POTEC: variants seen among roughly 807,000 people sequenced by gnomAD.
POTEC encodes the protein POTE ankyrin domain family member C, also known as ANKRD26-like family B member 2.
In POTEC, 35 loss-of-function variants were observed where a neutral mutation model predicts 62.0. The ratio of observed to expected loss-of-function variants is 0.56; its 90% confidence interval spans 0.43 to 0.75. The LOEUF is 0.75. Among genes scored for constraint, POTEC ranks in the 30% least tolerant of loss-of-function variants. The pLI is 0.00. For synonymous variants in POTEC, 156 were observed against 221.5 expected, an observed-to-expected ratio of 0.70 and a Z score of 2.62; for missense variants, 472 against 655.9, an observed-to-expected ratio of 0.72 and a Z score of 3.06.
In POTEC at chr18:14,521,608, A is replaced by G. The variant is rs116946441; in HGVS notation, c.1409+646T>C. ...CCTACATATCCTTACTATGTTATATATATGTGTGTGAATATGCTACTAAAT... is the reference window on the plus strand; with the variant it reads ...CCTACATATCCTTACTATGTTATATGTATGTGTGTGAATATGCTACTAAAT... On this transcript the variant is annotated intron_variant, in intron 9 of 10. Coordinates refer to ENST00000358970, the MANE Select transcript of POTEC (RefSeq NM_001137671.2). Among the ~76,000 whole-genome samples, 1,141 of 152,304 alleles carry G rather than the reference A, an allele frequency of 7.5e-3. 6 individuals are homozygous for G. Among genetic ancestry groups the G allele is most frequent in the Admixed American group, 0.013 (197 of 15,292 alleles).
rs762894153 is a variant in POTEC at position 14,513,766 on chromosome 18, G to A, written c.1429C>T (p.Arg477Trp). ...TTCTGTTCTTCAGAAAGTTGTTTCCGGGTATCATTTTGTTCGTCACTAGAA... is the reference window on the plus strand; with the variant it reads ...TTCTGTTCTTCAGAAAGTTGTTTCCAGGTATCATTTTGTTCGTCACTAGAA... ...EYHSDEQNDTRKQLSEEQNTG... is the reference protein window; with the variant it reads ...EYHSDEQNDTWKQLSEEQNTG... The change falls in exon 10 of 11, where the codon CGG becomes TGG. Residue 477 changes from arginine to tryptophan, a missense_variant. Around this residue, in one of 5 missense-constraint regions of POTEC, gnomAD observed 83 missense variants for 254.3 expected, o/e 0.33. Transcript: ENST00000358970. 3.3e-5 allele frequency: 53 copies of A among 1,609,108 alleles called. No homozygotes were observed. Among genetic ancestry groups the A allele is most frequent in the Admixed American group, 1.3e-4 (8 of 59,388 alleles).
chr18:14,536,746 CAAAA>C (rs910549945), intron 3 of POTEC, among the ~76,000 whole-genome samples: 12 of 152,010 alleles, frequency 7.9e-5, no homozygotes, highest in Admixed American at 7.9e-4. Context: ...AGGATCTGGC[CAAAA>C]AGAGGAAAGA....
At chr18:14,537,504 C>T (rs964901175) in intron 3 of POTEC, among the ~76,000 whole-genome samples, 11 of 149,708 alleles carry the variant, frequency 7.3e-5, no homozygotes, top group Non-Finnish European at 1.5e-4. Context: ...ATTTTACATT[C>T]GTTAGGGAAA....
At chr18:14,518,970 G>A (rs1226862601) in intron 9 of POTEC, among the ~76,000 whole-genome samples, 1 of 152,176 alleles carries the variant, frequency 6.6e-6, no homozygotes. Context: ...TACATCCACT[G>A]AGTTAAGAAT....
chr18:14,531,460 C>T (rs1355831372), intron 5 of POTEC, among the ~76,000 whole-genome samples: 3 of 152,236 alleles, frequency 2.0e-5, no homozygotes, highest in Non-Finnish European at 4.4e-5. Flanking sequence ...GAAGAAGCTG[C>T]AAATTGACAT....
Position 14,528,385 on chromosome 18 carries a change from A to C in POTEC, c.1126+2098T>G, listed in dbSNP as rs1247970113. On this transcript the variant is annotated intron_variant, in intron 6 of 10. Transcript: ENST00000358970. ...TCCCCCTCCTCAGCCTCAGAAAGAG[A>C]AATGTTTATTCTAAGTTAATCATGT... Among the ~76,000 whole-genome samples, 5 of 152,104 alleles carry C rather than the reference A, an allele frequency of 3.3e-5. No homozygotes were observed. The East Asian group carries it at 7.7e-4, about 24-fold the overall frequency.
At position 14,522,290 on chromosome 18, in the gene POTEC, T is replaced by C; in HGVS notation, c.1373A>G (p.Gln458Arg). 1 of 1,589,492 alleles carries C rather than the reference T, an allele frequency of 6.3e-7. No individual in the cohort carries two copies. Among genetic ancestry groups the C allele is most frequent in the Non-Finnish European group, 8.5e-7 (1 of 1,173,134 alleles). The change falls in exon 9 of 11, where the codon CAG becomes CGG. Residue 458 changes from glutamine (Q) to arginine (R), a missense_variant. By Grantham distance (43) the Gln-to-Arg change is conservative. Transcript: ENST00000358970. The part of the protein sequence containing the change: ...PQRRSRKPEN[Q>R]QFPDTENEEY... ...TTCATTCTCAGTGTCAGGAAATTGC[T>C]GATTTTCAGGTTTTCTGCTCCTCCT...
chr18:14,516,001 A>G (rs1910140129), intron 9 of POTEC, among the ~76,000 whole-genome samples: 1 of 151,646 alleles, frequency 6.6e-6, no homozygotes, highest in South Asian at 2.1e-4. Context: ...AATGGTCACT[A>G]CTAAAATAAA....
At chr18:14,516,665 G>GGT (rs1189392252) in intron 9 of POTEC, among the ~76,000 whole-genome samples, 3 of 22,566 alleles carry the variant, frequency 1.3e-4, no homozygotes, top group African/African-American at 2.1e-4. Context: ...CAAACTACTG[G>GGT]GGGGGGGTGT....
intron 5 of POTEC, among the ~76,000 whole-genome samples, chr18:14,531,211 T>TC: frequency 6.6e-6 from 1 of 151,898 alleles, no homozygotes; most frequent in East Asian, 2.0e-4. Context: ...CTAAATTTTT[T>TC]CATAAATCTC....
At chr18:14,518,400 T>G (rs939229805) in intron 9 of POTEC, among the ~76,000 whole-genome samples, 4 of 149,412 alleles carry the variant, frequency 2.7e-5, no homozygotes, top group African/African-American at 9.8e-5. Context: ...AGAAAGGGGA[T>G]TTTTTTTTTC....
chr18:14,532,703 C>T (rs1372211650), intron 5 of POTEC, among the ~76,000 whole-genome samples: 1 of 152,072 alleles, frequency 6.6e-6, no homozygotes, highest in African/African-American at 2.4e-5. Flanking sequence ...GAAGACAGTA[C>T]AAGACTTTCT....
chr18:14,542,901 A>T lies in POTEC; in HGVS notation c.246T>A (p.Thr82=). 7.9e-7 allele frequency: 1 copy of T among 1,268,432 alleles called. No individual in the cohort carries two copies. Among genetic ancestry groups the T allele is most frequent in the Non-Finnish European group, 1.1e-6 (1 of 919,362 alleles). The allele number at this position is 1,268,432 out of a possible 1,614,324, so 78.6% of individuals were successfully genotyped here. ...CRGSGTSNVG[T]SGDHDNSFMK... The stretch of plus-strand genomic sequence containing the variant: ...TAAAGGAGTTGTCATGGTCTCCAGA[A>T]GTGCCCACGTTGCTCGTGCCGCTCC... The change falls in exon 1 of 11, where the codon ACT becomes ACA. Residue 82 remains threonine, a synonymous_variant. Coordinates refer to ENST00000358970, the MANE Select transcript of POTEC (RefSeq NM_001137671.2).
chr18:14,514,112 T>C (rs1323605858), intron 9 of POTEC, among the ~76,000 whole-genome samples: 1 of 151,812 alleles, frequency 6.6e-6, no homozygotes, highest in Non-Finnish European at 1.5e-5. Context: ...GTAGAATCAG[T>C]GGGAGCCCTC....
At chr18:14,534,304 C>A (rs1905633201) in intron 4 of POTEC, among the ~76,000 whole-genome samples, 1 of 151,506 alleles carries the variant, frequency 6.6e-6, no homozygotes, top group African/African-American at 2.4e-5. Context: ...ATCTTCACTC[C>A]CTCTCTCCAT....
Position 14,542,773 on chromosome 18 carries a change from T to A in POTEC, c.374A>T (p.Asp125Val), listed in dbSNP as rs1384535708. The change falls in exon 1 of 11, where the codon GAC becomes GTC. Residue 125 changes from aspartate (D) to valine (V), a missense_variant. Asp to Val is a radical substitution (Grantham distance 152). Coordinates refer to ENST00000358970, the MANE Select transcript of POTEC (RefSeq NM_001137671.2). Reference sequence around the variant, plus strand: ...GTACCTCGGCTCCATGAAGGCGCTGTCGTCGTAGTCTCCCCAAGCGCCCAC... The same window carrying A: ...GTACCTCGGCTCCATGAAGGCGCTGACGTCGTAGTCTCCCCAAGCGCCCAC... ...SNVGAWGDYD[D>V]SAFMEPRYHV... 1 of 1,613,664 alleles carries A rather than the reference T, an allele frequency of 6.2e-7. No homozygotes were observed. Among genetic ancestry groups the A allele is most frequent in the Non-Finnish European group, 8.5e-7 (1 of 1,179,872 alleles).
At chr18:14,535,817 G>A (rs568925577) in intron 3 of POTEC, among the ~76,000 whole-genome samples, 114 of 151,962 alleles carry the variant, frequency 7.5e-4, no homozygotes, top group Non-Finnish European at 1.5e-3. Context: ...AAAGTCCTGA[G>A]AGAGCCATCC....
intron 6 of POTEC, among the ~76,000 whole-genome samples, chr18:14,528,372 G>A (rs1157728160): frequency 6.6e-6 from 1 of 152,072 alleles, no homozygotes; most frequent in Non-Finnish European, 1.5e-5. Context: ...CCCCTCCTCA[G>A]CCTCAGAAAG....
chr18:14,541,435 G>A (rs1450413601), intron 1 of POTEC, among the ~76,000 whole-genome samples: 1 of 152,144 alleles, frequency 6.6e-6, no homozygotes, highest in African/African-American at 2.4e-5. Context: ...CACAAGGACA[G>A]GAGTTCAAGA....
Sources: gnomAD v4.1 joint callset for allele counts (sites outside exome capture counted in the v4.1 genomes callset) on GRCh38, gnomAD v4.1.1 for gene constraint, gnomAD v4.1.1 regional missense constraint, MANE v1.5 for transcripts, NCBI Gene and HGNC (gene_info 2026-07-23, HGNC 2026-07-21) for gene names.